Variants in FAM135B observed in about 807,000 individuals in gnomAD.
FAM135B encodes family with sequence similarity 135 member B, also known as protein FAM135B.
A neutral mutation model predicts 127.7 loss-of-function variants in FAM135B; 43 were observed. That is an observed-to-expected ratio of 0.34 (90% CI 0.26 to 0.43). The LOEUF (loss-of-function observed/expected upper bound fraction) is 0.43, where lower values mean the gene tolerates loss of function less well. Ranked by LOEUF, FAM135B falls within the 20% of genes least tolerant of loss-of-function variation. The pLI is 1.00. For missense variants in FAM135B, 1,558 were observed against 1,725.6 expected, an observed-to-expected ratio of 0.90 and a Z score of 1.72; for synonymous variants, 670 against 665.1, an observed-to-expected ratio of 1.01 and a Z score of -0.11.
At chr8:138,207,362 C>G (rs1052936663) in intron 7 of FAM135B, among the ~76,000 whole-genome samples, 2 of 151,966 alleles carry the variant, frequency 1.3e-5, no homozygotes, top group Non-Finnish European at 2.9e-5. Context: ...GCTCCCATCA[C>G]CACACCAGGC....
At chr8:138,218,741 C>A (rs1178032548) in intron 7 of FAM135B, among the ~76,000 whole-genome samples, 1 of 149,642 alleles carries the variant, frequency 6.7e-6, no homozygotes, top group Non-Finnish European at 1.5e-5. Flanking sequence ...CCTGCTCCTC[C>A]CAAACTTACA....
intron 1 of FAM135B, among the ~76,000 whole-genome samples, chr8:138,468,999 C>T (rs1044748226): frequency 1.3e-5 from 2 of 151,758 alleles, no homozygotes; most frequent in African/African-American, 4.8e-5. Context: ...AGCCAAGATA[C>T]AGCCAGTGCG....
chr8:138,432,552 T>C (rs753100316), intron 1 of FAM135B, among the ~76,000 whole-genome samples: 35 of 151,834 alleles, frequency 2.3e-4, no homozygotes, highest in Non-Finnish European at 4.4e-4. Flanking sequence ...GCTTGATATA[T>C]AGAGAGAGTT....
At chr8:138,375,771 A>G (rs1428814285) in intron 1 of FAM135B, among the ~76,000 whole-genome samples, 2 of 152,150 alleles carry the variant, frequency 1.3e-5, no homozygotes. Context: ...ATTCAAAGAC[A>G]TTCAAAACTA....
intron 6 of FAM135B, among the ~76,000 whole-genome samples, chr8:138,249,619 G>C (rs1338891323): frequency 6.6e-6 from 1 of 152,154 alleles, no homozygotes; most frequent in Non-Finnish European, 1.5e-5. Flanking sequence ...AGGGGCAGCA[G>C]CTCCTGGTCA....
intron 8 of FAM135B, among the ~76,000 whole-genome samples, 180 bp from the exon 9 acceptor site, chr8:138,195,487 C>T (rs1816535996): frequency 7.0e-6 from 1 of 143,522 alleles, no homozygotes; most frequent in South Asian, 2.2e-4. Flanking sequence ...GGAGAATGAA[C>T]CTGATTGGAG....
chr8:138,183,890 C>T (rs765238424), intron 9 of FAM135B, among the ~76,000 whole-genome samples: 8 of 152,306 alleles, frequency 5.3e-5, no homozygotes, highest in Admixed American at 1.3e-4. Context: ...ATATTTAGCA[C>T]GCTTAGTATG....
At chr8:138,411,515 C>T (rs1833864085) in intron 1 of FAM135B, among the ~76,000 whole-genome samples, 1 of 152,072 alleles carries the variant, frequency 6.6e-6, no homozygotes, top group African/African-American at 2.4e-5. Flanking sequence ...AAACGTTTGA[C>T]CTAAAACCAT....
At chr8:138,413,883 G>C (rs1034940028) in intron 1 of FAM135B, among the ~76,000 whole-genome samples, 28 of 127,424 alleles carry the variant, frequency 2.2e-4, no homozygotes, top group Admixed American at 1.7e-3. Context: ...AATAAACCTG[G>C]GGGGGTGGGT....
intron 6 of FAM135B, among the ~76,000 whole-genome samples, chr8:138,250,047 G>A (rs1265338515): frequency 6.6e-6 from 1 of 152,118 alleles, no homozygotes; most frequent in Non-Finnish European, 1.5e-5. Flanking sequence ...ATTCACTGAA[G>A]GGAAGAATCA....
At chr8:138,351,841 T>C (rs1829805945) in intron 2 of FAM135B, among the ~76,000 whole-genome samples, 1 of 151,960 alleles carries the variant, frequency 6.6e-6, no homozygotes, top group Non-Finnish European at 1.5e-5. Flanking sequence ...AGGCATGTGC[T>C]ACCATGCCCA....
At chr8:138,156,612 G>A (rs1293957063) in intron 12 of FAM135B, among the ~76,000 whole-genome samples, 1 of 151,928 alleles carries the variant, frequency 6.6e-6, no homozygotes, top group African/African-American at 2.4e-5. Flanking sequence ...TGATAAAGGG[G>A]ATATCACCAC....
Position 138,152,037 on chromosome 8 carries a change from G to A in FAM135B, c.2438C>T (p.Ser813Phe), listed in dbSNP as rs756855727. 6.2e-7 allele frequency: 1 copy of A among 1,614,064 alleles called. No individual in the cohort carries two copies. Among genetic ancestry groups the A allele is most frequent in the Non-Finnish European group, 8.5e-7 (1 of 1,180,034 alleles). ...TGTTCCAGAGTCACCACAAAGTTGA[G>A]AGCAAGATCCTGGGGAACCTTGGCT... ...SKSQGSPGSC[S>F]QLCGDSGTDA... Residue 813 changes from serine (S) to phenylalanine (F), a missense_variant, in exon 13 of 20, where the codon TCT (serine) becomes TTT (phenylalanine). By Grantham distance (155) the Ser-to-Phe change is radical. Transcript: ENST00000395297.
chr8:138,349,820 A>C, intron 2 of FAM135B, among the ~76,000 whole-genome samples: 1 of 152,220 alleles, frequency 6.6e-6, no homozygotes, highest in African/African-American at 2.4e-5. Flanking sequence ...AGAATCCATA[A>C]GTTCTGCAGT....
chr8:138,137,056 C>T (rs1211710780), intron 19 of FAM135B, 91 bp downstream of exon 19: 2 of 742,606 alleles, frequency 2.7e-6, no homozygotes, highest in Non-Finnish European at 4.9e-6. Flanking sequence ...AAACCTATAG[C>T]CCAGGTGTTC....
At position 138,141,400 on chromosome 8, in the gene FAM135B, C is replaced by T. The variant is rs1817134417; in HGVS notation, c.3639-51G>A. ...ATGAGTGTGACGGTGAATGCTGCTG[C>T]CCAAGAGTGCAGTGCTGGAAGCATC... On this transcript the variant is annotated intron_variant, in intron 16 of 19. Transcript: ENST00000395297. This position sits in a 1 kb window ranked among gnomAD's most constrained non-coding sequence, Gnocchi z 4.7. The T allele has an allele frequency of 2.5e-6, 4 of 1,585,928 alleles. No homozygotes were observed. The highest frequency in any genetic ancestry group is 2.6e-6 in the Non-Finnish European group (3 of 1,156,584).
chr8:138,466,854 T>C lies in FAM135B; in HGVS notation c.-20+29817A>G, dbSNP rs1218202274. Among the ~76,000 whole-genome samples, 8 of 152,206 alleles carry C rather than the reference T, an allele frequency of 5.3e-5. No homozygotes were observed. In the East Asian group the frequency reaches 5.8e-4, roughly 11 times the overall value. On this transcript the variant is annotated intron_variant, in intron 1 of 19. Coordinates refer to ENST00000395297, the MANE Select transcript of FAM135B (RefSeq NM_015912.4). ...TTTTATTTCCTTTCCTGAATAAGTA[T>C]AGTGCAGCAAATTTATACAAACTTT...
intron 15 of FAM135B, among the ~76,000 whole-genome samples, chr8:138,143,911 G>A (rs1244431857): frequency 6.6e-6 from 1 of 152,164 alleles, no homozygotes; most frequent in African/African-American, 2.4e-5. Flanking sequence ...GTGGTGAAGA[G>A]AAGACCTTTA....
Position 138,225,274 on chromosome 8 carries a change from A to G in FAM135B, c.669+17668T>C, listed in dbSNP as rs140400484. On this transcript the variant is annotated intron_variant, in intron 7 of 19. Coordinates refer to ENST00000395297, the MANE Select transcript of FAM135B (RefSeq NM_015912.4). ...AAGAAAATTAGATTGAAGAACAACA[A>G]AATAGGAAAGATATGGATCTCTCTT... Among the ~76,000 whole-genome samples, 366 of 152,208 alleles carry G rather than the reference A, an allele frequency of 2.4e-3. 1 individual carries two copies. Among genetic ancestry groups the G allele is most frequent in the African/African-American group, 8.0e-3 (333 of 41,528 alleles).
Sources: allele counts gnomAD v4.1 joint callset (sites outside exome capture counted in the v4.1 genomes callset), GRCh38; gene constraint gnomAD v4.1.1; non-coding constraint Gnocchi (gnomAD v3.1); transcripts MANE v1.5; gene names NCBI Gene and HGNC (gene_info 2026-07-23, HGNC 2026-07-21).